Variants in VRK2 observed in about 807,000 individuals in gnomAD.
VRK2 encodes the protein serine/threonine-protein kinase VRK2.
In VRK2, 60 loss-of-function variants were observed where a neutral mutation model predicts 57.6. The ratio of observed to expected loss-of-function variants is 1.04; its 90% confidence interval spans 0.85 to 1.29. The LOEUF is 1.29. Ranked by LOEUF, VRK2 falls within the 50% of genes most tolerant of loss-of-function variation. The pLI is 0.00. For synonymous variants in VRK2, 231 were observed against 199.2 expected (o/e 1.16, Z -1.35); for missense variants, 705 against 588.1 (o/e 1.20, Z -2.06).
intron 12 of VRK2, among the ~76,000 whole-genome samples, chr2:58,150,562 G>GTTTTT (rs35146685): frequency 1.0e-5 from 1 of 95,586 alleles, no homozygotes. Context: ...TTTTTTTTTA[G>GTTTTT]TTTTTTTTTT....
intron 1 of VRK2, among the ~76,000 whole-genome samples, chr2:57,947,628 C>T (rs1042280996): frequency 2.0e-5 from 3 of 152,122 alleles, no homozygotes; most frequent in South Asian, 2.1e-4. Flanking sequence ...CATTTAGTAA[C>T]TCTTAGTTCA....
chr2:58,015,375 T>C (rs551373598), intron 1 of VRK2, among the ~76,000 whole-genome samples: 6 of 152,354 alleles, frequency 3.9e-5, no homozygotes, highest in Admixed American at 1.3e-4. Context: ...CTATGAATCC[T>C]GGCCTTACTA....
chr2:58,129,531 ATAGT>A (rs1678858118), intron 8 of VRK2, among the ~76,000 whole-genome samples: 1 of 152,210 alleles, frequency 6.6e-6, no homozygotes, highest in Non-Finnish European at 1.5e-5. Context: ...AAAAATTTTT[ATAGT>A]TAGACATTAA....
chr2:58,047,749 C>CAGG (rs3836113), intron 1 of VRK2, among the ~76,000 whole-genome samples: 30,753 of 151,896 alleles, frequency 0.2, 5,243 homozygotes, highest in African/African-American at 0.47. Context: ...GTGTGCCTAT[C>CAGG]AGGAGGAAGG....
chr2:58,086,477 T>C (rs757627347), intron 5 of VRK2, 51 bp downstream of exon 5: 1 of 1,476,336 alleles, frequency 6.8e-7, no homozygotes, highest in Non-Finnish European at 9.2e-7. Context: ...ATTCCTTATG[T>C]GGTCTATGAG....
intron 2 of VRK2, among the ~76,000 whole-genome samples, chr2:58,081,363 G>A (rs191157226): frequency 4.5e-4 from 68 of 152,062 alleles, no homozygotes; most frequent in Middle Eastern, 3.4e-3. Context: ...AGATTTCAGA[G>A]ATGTTAACAT....
At chr2:58,084,213 G>T in intron 3 of VRK2, 75 bp downstream of exon 3, 2 of 1,453,042 alleles carry the variant, frequency 1.4e-6, no homozygotes, top group South Asian at 1.3e-5. Flanking sequence ...TGTTTTTCAC[G>T]TTAATTTTTG....
intron 1 of VRK2, among the ~76,000 whole-genome samples, chr2:57,950,805 G>C (rs192144293): frequency 6.6e-6 from 1 of 152,244 alleles, no homozygotes; most frequent in East Asian, 1.9e-4. Context: ...AAGAACATTG[G>C]TGATCTGGCT....
chr2:57,928,035 T>C (rs558103620), intron 1 of VRK2, among the ~76,000 whole-genome samples: 84 of 152,282 alleles, frequency 5.5e-4, no homozygotes, highest in Non-Finnish European at 1.0e-3. Flanking sequence ...TCCTTGGTGT[T>C]ATATAACCTT....
At chr2:58,127,992 G>C (rs1047469560) in intron 8 of VRK2, among the ~76,000 whole-genome samples, 1 of 152,102 alleles carries the variant, frequency 6.6e-6, no homozygotes, top group African/African-American at 2.4e-5. Context: ...CCAAGGACTA[G>C]TTCGCTAAGA....
chr2:58,155,563 A>G (rs533664077), intron 12 of VRK2, among the ~76,000 whole-genome samples: 9 of 152,136 alleles, frequency 5.9e-5, no homozygotes, highest in Non-Finnish European at 8.8e-5. Flanking sequence ...TCTATCTCAC[A>G]ATTTCCCTAA....
At chr2:58,021,777 G>T (rs1673763943) in intron 1 of VRK2, among the ~76,000 whole-genome samples, 1 of 152,002 alleles carries the variant, frequency 6.6e-6, no homozygotes, top group Admixed American at 6.6e-5. Flanking sequence ...ATCACAATTG[G>T]CTACCGAAAC....
chr2:58,026,291 C>T (rs549807604), intron 2 of VRK2, among the ~76,000 whole-genome samples: 24 of 151,752 alleles, frequency 1.6e-4, no homozygotes, highest in South Asian at 4.2e-4. Flanking sequence ...TGTGTGCGCG[C>T]GCACACACAC....
intron 3 of VRK2, 51 bp from the exon 4 acceptor site, chr2:58,084,830 A>G (rs763924733): frequency 8.3e-7 from 1 of 1,201,238 alleles, no homozygotes; most frequent in East Asian, 2.6e-5. Context: ...TAACAATTCC[A>G]TCTTTGGGAT....
chr2:58,119,676 A>G (rs1467819955), intron 7 of VRK2, among the ~76,000 whole-genome samples: 1 of 151,534 alleles, frequency 6.6e-6, no homozygotes, highest in African/African-American at 2.4e-5. Flanking sequence ...CCCATAATCT[A>G]TATTTTAAAA....
chr2:58,115,419 G>C (rs1676285521), intron 7 of VRK2, among the ~76,000 whole-genome samples: 1 of 151,964 alleles, frequency 6.6e-6, no homozygotes. Context: ...AATAGATTTT[G>C]GAAGTTACGA....
At chr2:58,038,217 A>C (rs1397109367) in intron 3 of VRK2, among the ~76,000 whole-genome samples, 2 of 152,072 alleles carry the variant, frequency 1.3e-5, no homozygotes, top group Middle Eastern at 3.2e-3. Flanking sequence ...TGTTCTTGTG[A>C]TAGTGAGTGA....
chr2:58,130,845 G>C (rs1434269696), intron 8 of VRK2, among the ~76,000 whole-genome samples: 1 of 152,034 alleles, frequency 6.6e-6, no homozygotes, highest in Non-Finnish European at 1.5e-5. Context: ...ACAAAAATGA[G>C]TTTATTTTAC....
In VRK2 at chr2:58,025,955, A is replaced by G. The variant is rs146045300; in HGVS notation, c.-333+185A>G. 1.1e-3 allele frequency among the ~76,000 whole-genome samples: 161 copies of G among 152,292 alleles called. 2 individuals carry two copies. Among genetic ancestry groups the G allele is most frequent in the Admixed American group, 2.3e-3 (35 of 15,296 alleles). On this transcript the variant is annotated intron_variant, in intron 2 of 15. Coordinates refer to the VRK2 transcript ENST00000417641. ...AAGGTGTACAAAGCTATTCATCAATATATAATGGTCTCTGTGATTTCAGTA... is the reference window on the plus strand; with the variant it reads ...AAGGTGTACAAAGCTATTCATCAATGTATAATGGTCTCTGTGATTTCAGTA...
Sources: gnomAD v4.1 joint callset for allele counts (sites outside exome capture counted in the v4.1 genomes callset) on GRCh38, gnomAD v4.1.1 for gene constraint, MANE v1.5 for transcripts, NCBI Gene and HGNC (gene_info 2026-07-23, HGNC 2026-07-21) for gene names.